The following PACSIN2 variants were observed in gnomAD, a reference collection of about 807,000 sequenced individuals.
The protein encoded by PACSIN2 is protein kinase C and casein kinase substrate in neurons 2, also known as protein kinase C and casein kinase substrate in neurons protein 2.
PACSIN2 carries 25 observed loss-of-function variants against 63.8 expected under a neutral mutation model. The observed-to-expected ratio is 0.39, with a 90% CI of 0.29 to 0.55. PACSIN2 has a LOEUF of 0.55. PACSIN2 is among the 20% of genes least tolerant of loss of function. The pLI, the probability that PACSIN2 is intolerant of heterozygous loss-of-function variation, is 0.62. For missense variants in PACSIN2, 518 were observed against 646.9 expected (o/e 0.80, Z 2.16); for synonymous variants, 255 against 256.2 (o/e 1.00, Z 0.05).
intron 1 of PACSIN2, among the ~76,000 whole-genome samples, chr22:42,983,652 G>A (rs973029738): frequency 4.6e-5 from 7 of 152,130 alleles, no homozygotes; most frequent in African/African-American, 1.4e-4. Context: ...TTAAGAGATA[G>A]GGTCTTGCTA....
chr22:42,890,889 G>A, intron 4 of PACSIN2, 58 bp downstream of exon 4: 1 of 1,398,022 alleles, frequency 7.2e-7, no homozygotes, highest in Non-Finnish European at 1.0e-6. Flanking sequence ...AGGTGGTGCT[G>A]CTAGTGGGGT....
At chr22:42,927,709 T>C (rs1235934147) in intron 1 of PACSIN2, among the ~76,000 whole-genome samples, 1 of 152,042 alleles carries the variant, frequency 6.6e-6, no homozygotes, top group Admixed American at 6.6e-5. Flanking sequence ...TGCCTCAGCC[T>C]CCCGAGTAGC....
rs1274057664 is a variant in PACSIN2 at position 42,938,008 on chromosome 22, A to G, written c.-77-25851T>C. Among the ~76,000 whole-genome samples the G allele has an allele frequency of 3.9e-5, 6 of 152,152 alleles. No individual in the cohort carries two copies. The South Asian group carries it at 8.3e-4, about 21-fold the overall frequency. On this transcript the variant is annotated intron_variant, in intron 1 of 10. Coordinates refer to ENST00000263246, the MANE Select transcript of PACSIN2 (RefSeq NM_001184970.3). ...CCAGCTAACTTGCTCCCTGCCCTCT[A>G]CCCACAGTTGTACAGAGTAAAACAA...
intron 1 of PACSIN2, among the ~76,000 whole-genome samples, chr22:42,956,583 A>G (rs1933926151): frequency 6.6e-6 from 1 of 152,170 alleles, no homozygotes; most frequent in African/African-American, 2.4e-5. Flanking sequence ...CCTCTTTACC[A>G]AACTCTAAGG....
At chr22:42,934,970 C>T (rs964804031) in intron 1 of PACSIN2, among the ~76,000 whole-genome samples, 7 of 151,776 alleles carry the variant, frequency 4.6e-5, no homozygotes, top group East Asian at 1.9e-4. Context: ...GGCTGGAGTG[C>T]AGTGGCGCAA....
In PACSIN2 at chr22:42,889,373, T is replaced by TTTACACACACACACACAC. The variant is rs1555909669; in HGVS notation, c.454-576_454-575insGTGTGTGTGTGTGTGTAA. 4.1e-5 allele frequency among the ~76,000 whole-genome samples: 5 copies of TTTACACACACACACACAC among 122,548 alleles called. No individual in the cohort carries two copies. The Admixed American group carries it at 4.3e-4, about 10-fold the overall frequency. 80.4% of individuals were successfully genotyped at this position (122,548 alleles called of 152,430 possible). ...CATTTCCTCTGGTTTTAATGGTTTT[T>TTTACACACACACACACAC]ACACACACACACACACACACACACA... On this transcript the variant is annotated intron_variant, in intron 4 of 10. Coordinates refer to ENST00000263246, the MANE Select transcript of PACSIN2 (RefSeq NM_001184970.3).
At chr22:42,913,899 A>T (rs1931634976) in intron 1 of PACSIN2, among the ~76,000 whole-genome samples, 1 of 152,208 alleles carries the variant, frequency 6.6e-6, no homozygotes, top group Admixed American at 6.5e-5. Context: ...CTACAACCTA[A>T]AATTGGATTG....
At chr22:42,928,186 A>C (rs910426578) in intron 1 of PACSIN2, among the ~76,000 whole-genome samples, 1 of 152,236 alleles carries the variant, frequency 6.6e-6, no homozygotes, top group Non-Finnish European at 1.5e-5. Context: ...ACGGGAACAC[A>C]CCCGGAGAGG....
At chr22:42,964,494 A>AT (rs773547988) in intron 1 of PACSIN2, among the ~76,000 whole-genome samples, 31 of 151,960 alleles carry the variant, frequency 2.0e-4, no homozygotes, top group Non-Finnish European at 3.7e-4. Context: ...AATACCACAG[A>AT]TTGCAGTTCT....
At chr22:42,877,273 G>A (rs1928714244) in intron 8 of PACSIN2, among the ~76,000 whole-genome samples, 1 of 152,176 alleles carries the variant, frequency 6.6e-6, no homozygotes, top group Non-Finnish European at 1.5e-5. Flanking sequence ...CAGGGGCCCT[G>A]GGGTGGCCCA....
intron 1 of PACSIN2, among the ~76,000 whole-genome samples, chr22:42,951,312 T>C (rs1173317645): frequency 6.6e-6 from 1 of 152,146 alleles, no homozygotes; most frequent in Non-Finnish European, 1.5e-5. Flanking sequence ...AAGCACCCAA[T>C]TGGTGCCCTT....
At chr22:42,911,277 T>C (rs976770597) in intron 2 of PACSIN2, among the ~76,000 whole-genome samples, 2 of 151,570 alleles carry the variant, frequency 1.3e-5, no homozygotes, top group Non-Finnish European at 2.9e-5. Context: ...AGACCAAAAA[T>C]TGACTTCCTA....
At chr22:42,936,920 G>T (rs573996431) in intron 1 of PACSIN2, among the ~76,000 whole-genome samples, 2 of 150,226 alleles carry the variant, frequency 1.3e-5, no homozygotes, top group Admixed American at 6.6e-5. Context: ...CAAAAAAAGG[G>T]GGGGGGGCAG....
chr22:42,916,975 C>T (rs961993453), intron 1 of PACSIN2, among the ~76,000 whole-genome samples: 2 of 152,112 alleles, frequency 1.3e-5, no homozygotes, highest in African/African-American at 4.8e-5. Context: ...CTTTTGGTGA[C>T]GCTGCCACCT....
intron 1 of PACSIN2, among the ~76,000 whole-genome samples, chr22:42,993,388 T>C (rs556785761): frequency 6.6e-6 from 1 of 152,264 alleles, no homozygotes; most frequent in South Asian, 2.1e-4. Context: ...AACAGTGTAT[T>C]CATATGCCAA....
At chr22:43,014,862 G>C (rs1030384239) in intron 1 of PACSIN2, among the ~76,000 whole-genome samples, 159 bp downstream of exon 1, 57 of 150,716 alleles carry the variant, frequency 3.8e-4, no homozygotes, top group Non-Finnish European at 6.8e-4. Flanking sequence ...CTCCCACAGA[G>C]ACAGGAAGTT....
intron 1 of PACSIN2, among the ~76,000 whole-genome samples, chr22:42,941,518 G>A (rs1183631474): frequency 6.6e-6 from 1 of 152,194 alleles, no homozygotes; most frequent in African/African-American, 2.4e-5. Flanking sequence ...CCCACCAGCA[G>A]TGTGTGACAG....
chr22:42,994,657 G>A (rs1480602929), intron 1 of PACSIN2, among the ~76,000 whole-genome samples: 2 of 152,216 alleles, frequency 1.3e-5, no homozygotes, highest in Non-Finnish European at 2.9e-5. Context: ...TGGCCTAAAG[G>A]GAGAGGCACA....
intron 1 of PACSIN2, among the ~76,000 whole-genome samples, chr22:42,912,646 T>C (rs1931538565): frequency 6.6e-6 from 1 of 152,212 alleles, no homozygotes; most frequent in South Asian, 2.1e-4. Context: ...GCTGGAAAGC[T>C]AAATGGATCA....
Sources: gnomAD v4.1 joint callset for allele counts (sites outside exome capture counted in the v4.1 genomes callset) on GRCh38, gnomAD v4.1.1 for gene constraint, MANE v1.5 for transcripts, NCBI Gene and HGNC (gene_info 2026-07-23, HGNC 2026-07-21) for gene names.